The following INPP4B variants were observed in gnomAD, a reference collection of about 807,000 sequenced individuals.
The protein encoded by INPP4B is inositol polyphosphate 4-phosphatase type II.
In INPP4B, 55 loss-of-function variants were observed where a neutral mutation model predicts 122.5. The observed-to-expected ratio is 0.45, with a 90% CI of 0.36 to 0.56. The LOEUF (loss-of-function observed/expected upper bound fraction) is 0.56. INPP4B is among the 20% of genes least tolerant of loss of function. The pLI, the probability that INPP4B is intolerant of heterozygous loss-of-function variation, is 0.00. For missense variants in INPP4B, 1,000 were observed against 1,097.7 expected, an observed-to-expected ratio of 0.91 and a Z score of 1.26; for synonymous variants, 403 against 388.7, an observed-to-expected ratio of 1.04 and a Z score of -0.43.
chr4:142,195,444 C>G (rs1408982697), intron 14 of INPP4B, among the ~76,000 whole-genome samples: 1 of 152,036 alleles, frequency 6.6e-6, no homozygotes, highest in Admixed American at 6.6e-5. Context: ...GTTCTTAAAA[C>G]AGCATCAACA....
At chr4:142,754,930 C>T (rs1350925912) in intron 1 of INPP4B, among the ~76,000 whole-genome samples, 1 of 151,954 alleles carries the variant, frequency 6.6e-6, no homozygotes, top group Non-Finnish European at 1.5e-5. Context: ...AAATATGTTG[C>T]ATTTGTATGG....
rs574329207 is a variant in INPP4B at position 142,515,936 on chromosome 4, C to T, written c.-190-53210G>A. 3.9e-4 allele frequency among the ~76,000 whole-genome samples: 59 copies of T among 152,224 alleles called. 1 individual carries two copies. In the South Asian group the frequency reaches 0.012, roughly 31 times the overall value. On this transcript the variant is annotated intron_variant, in intron 2 of 25. Transcript: ENST00000262992. ...AAGGCATTGTTCTAAGTCAAAGATT[C>T]ATTTTTGTTTTTTCTACCATTATGT...
rs1382581952 is a variant in INPP4B at position 142,152,074 on chromosome 4, T to C, written c.1564-6078A>G. Among the ~76,000 whole-genome samples the C allele has an allele frequency of 8.4e-4, 97 of 115,092 alleles. No homozygotes were observed. In the East Asian group the frequency reaches 0.013, roughly 15 times the overall value. The allele number at this position is 115,092 out of a possible 152,430, so 75.5% of individuals were successfully genotyped here. The stretch of plus-strand genomic sequence containing the variant: ...ATGCTTTTTTGTCTTTTCTTTTTTT[T>C]TTTTTTTTTTTTTTTTTTTGACGGA... On this transcript the variant is annotated intron_variant, in intron 17 of 25. Transcript: ENST00000262992.
intron 7 of INPP4B, among the ~76,000 whole-genome samples, chr4:142,367,774 T>A (rs569213561): frequency 6.6e-6 from 1 of 152,254 alleles, no homozygotes; most frequent in African/African-American, 2.4e-5. Flanking sequence ...AGAATAAGGT[T>A]AGAGATCTAC....
chr4:142,802,370 T>C (rs1778111364), intron 1 of INPP4B, among the ~76,000 whole-genome samples: 1 of 152,184 alleles, frequency 6.6e-6, no homozygotes, highest in South Asian at 2.1e-4. Context: ...TTTACCTTTT[T>C]TTCCTGAATG....
chr4:142,572,690 G>A (rs920084832), intron 2 of INPP4B, among the ~76,000 whole-genome samples: 1 of 151,906 alleles, frequency 6.6e-6, no homozygotes, highest in African/African-American at 2.4e-5. Context: ...AGTTAATGAT[G>A]TCTTATTAAC....
intron 5 of INPP4B, among the ~76,000 whole-genome samples, chr4:142,413,957 T>A (rs1805133142): frequency 6.6e-6 from 1 of 152,026 alleles, no homozygotes. Flanking sequence ...AAAGGATGAA[T>A]CTAATACCAT....
Position 142,177,409 on chromosome 4 carries a change from T to C in INPP4B, c.1182-3600A>G, listed in dbSNP as rs577024162. 4.6e-5 allele frequency among the ~76,000 whole-genome samples: 7 copies of C among 152,288 alleles called. No individual in the cohort carries two copies. The East Asian group carries it at 1.4e-3, about 29-fold the overall frequency. On this transcript the variant is annotated intron_variant, in intron 15 of 25. Coordinates refer to ENST00000262992, the MANE Select transcript of INPP4B (RefSeq NM_001101669.3). The stretch of plus-strand genomic sequence containing the variant: ...AATAAGTATAATTTAATTATCTAGA[T>C]AAAAACAACATAACTAAACTCTATT...
chr4:142,725,225 T>G (rs1467987753), intron 2 of INPP4B, among the ~76,000 whole-genome samples: 2 of 152,160 alleles, frequency 1.3e-5, no homozygotes, highest in Non-Finnish European at 2.9e-5. Flanking sequence ...TGTAAATAAT[T>G]CACATAGTGA....
intron 21 of INPP4B, among the ~76,000 whole-genome samples, chr4:142,114,948 G>C (rs1001636812): frequency 6.6e-6 from 1 of 152,008 alleles, no homozygotes; most frequent in East Asian, 1.9e-4. Context: ...AGAATAAACA[G>C]TATAGAGAAG....
chr4:142,360,071 T>G (rs9308150), intron 7 of INPP4B, among the ~76,000 whole-genome samples: 41,866 of 151,792 alleles, frequency 0.28, 6,036 homozygotes, highest in East Asian at 0.46. Flanking sequence ...TTTAAAGAAA[T>G]ATTAAAAGAA....
chr4:142,547,995 AT>A (rs1310886979), intron 2 of INPP4B, among the ~76,000 whole-genome samples: 3 of 152,158 alleles, frequency 2.0e-5, no homozygotes, highest in Non-Finnish European at 4.4e-5. Context: ...AAGCTAAAAC[AT>A]TTTTCTTCAA....
At chr4:142,792,391 A>G (rs930490112) in intron 1 of INPP4B, among the ~76,000 whole-genome samples, 1 of 152,162 alleles carries the variant, frequency 6.6e-6, no homozygotes, top group African/African-American at 2.4e-5. Flanking sequence ...AATATGAAAC[A>G]CACAGCAAAG....
intron 2 of INPP4B, among the ~76,000 whole-genome samples, chr4:142,575,816 A>C (rs1044979116): frequency 6.6e-6 from 1 of 152,062 alleles, no homozygotes; most frequent in Non-Finnish European, 1.5e-5. Context: ...CACAAAAAAG[A>C]AGCTATGATA....
intron 7 of INPP4B, among the ~76,000 whole-genome samples, chr4:142,373,380 T>C (rs562013437): frequency 6.6e-6 from 1 of 152,108 alleles, no homozygotes; most frequent in South Asian, 2.1e-4. Context: ...AAATATATAA[T>C]TAAAAACACT....
At chr4:142,151,649 C>T (rs1459549811) in intron 17 of INPP4B, among the ~76,000 whole-genome samples, 1 of 152,180 alleles carries the variant, frequency 6.6e-6, no homozygotes, top group Non-Finnish European at 1.5e-5. Flanking sequence ...GATCACCCTC[C>T]TCTTTTGATT....
intron 14 of INPP4B, among the ~76,000 whole-genome samples, chr4:142,196,497 G>A (rs748520922): frequency 6.6e-6 from 1 of 151,922 alleles, no homozygotes; most frequent in South Asian, 2.1e-4. Flanking sequence ...GATCATGTTC[G>A]ACTCCTCTCC....
chr4:142,300,806 T>C (rs1761091712), intron 9 of INPP4B, among the ~76,000 whole-genome samples: 2 of 152,148 alleles, frequency 1.3e-5, no homozygotes, highest in African/African-American at 2.4e-5. Context: ...TGTTATTTGT[T>C]CCATAAAAAC....
In INPP4B at chr4:142,028,303, A is replaced by C. The variant is rs1737666181; in HGVS notation, c.*479T>G. ...TAACTCTACCTAATTGAGTGGCTAC[A>C]CATTTTTTTTAAATCCCTTACATTG... On this transcript the variant is annotated 3_prime_UTR_variant, in exon 26 of 26. Transcript: ENST00000262992. The C allele has an allele frequency of 4.4e-6, 1 of 227,520 alleles. No homozygotes were observed. Among genetic ancestry groups the C allele is most frequent in the African/African-American group, 2.2e-5 (1 of 44,974 alleles). The allele number at this position is 227,520 out of a possible 1,614,324, so 14.1% of individuals were successfully genotyped here. A position where few individuals can be genotyped will look rare whatever the true frequency, so the allele number is the denominator to read the frequency against.
Sources: gnomAD v4.1 joint callset for allele counts (sites outside exome capture counted in the v4.1 genomes callset) on GRCh38, gnomAD v4.1.1 for gene constraint, MANE v1.5 for transcripts, NCBI Gene and HGNC (gene_info 2026-07-23, HGNC 2026-07-21) for gene names.